ZC3H12B: variants seen among roughly 807,000 people sequenced by gnomAD.
ZC3H12B encodes the protein zinc finger CCCH-type containing 12B, also known as probable ribonuclease ZC3H12B.
A neutral mutation model predicts 43.9 loss-of-function variants in ZC3H12B; 7 were observed. The observed-to-expected ratio is 0.16, with a 90% CI of 0.09 to 0.30. The LOEUF is 0.30. Among genes scored for constraint, ZC3H12B ranks in the 10% least tolerant of loss-of-function variants. The pLI is 1.00. For synonymous variants in ZC3H12B, 222 were observed against 241.7 expected (o/e 0.92, Z 0.76); for missense variants, 475 against 670.2 (o/e 0.71, Z 3.22).
chrX:65,261,354 T>C, the ZC3H12B span, among the ~76,000 whole-genome samples: 2 of 111,927 alleles, frequency 1.8e-5, no homozygotes, highest in Non-Finnish European at 3.8e-5. Flanking sequence ...TTTCAATTTG[T>C]ATGTCTAGTC....
chrX:65,298,415 A>G, the ZC3H12B span, among the ~76,000 whole-genome samples: 5 of 112,434 alleles, frequency 4.4e-5, no homozygotes, highest in Admixed American at 3.8e-4. Flanking sequence ...AGGGAAATTC[A>G]TAGCATTGAA....
At chrX:65,401,424 T>C (rs896842761) in intron 3 of ZC3H12B, among the ~76,000 whole-genome samples, 3 of 111,766 alleles carry the variant, frequency 2.7e-5, no homozygotes, top group African/African-American at 9.8e-5. Flanking sequence ...AGCCTAGTGG[T>C]CTAAACTTGA....
chrX:65,359,972 G>A, the ZC3H12B span, among the ~76,000 whole-genome samples: 12 of 111,439 alleles, frequency 1.1e-4, no homozygotes, highest in East Asian at 2.8e-4. Context: ...TTCTTCAGGC[G>A]CCACCACCCT....
At chrX:65,444,651 G>A (rs2067351932) in intron 3 of ZC3H12B, among the ~76,000 whole-genome samples, 2 of 112,007 alleles carry the variant, frequency 1.8e-5, no homozygotes, top group African/African-American at 6.5e-5. Context: ...AGAGTGGGGT[G>A]TTACTGAAAA....
At chrX:65,198,342 C>T in the ZC3H12B span, among the ~76,000 whole-genome samples, 1 of 111,689 alleles carries the variant, frequency 9.0e-6, no homozygotes, top group Non-Finnish European at 1.9e-5. Context: ...GTTTTTGTAC[C>T]TTCAGATGAT....
At chrX:65,213,466 A>G in the ZC3H12B span, among the ~76,000 whole-genome samples, 1 of 111,167 alleles carries the variant, frequency 9.0e-6, no homozygotes, top group Non-Finnish European at 1.9e-5. Context: ...GCTTGGGACA[A>G]GAAGTGTTTC....
chrX:65,244,596 G>A, the ZC3H12B span, among the ~76,000 whole-genome samples: 2 of 108,110 alleles, frequency 1.8e-5, no homozygotes, highest in African/African-American at 6.8e-5. Context: ...AAAATAGCCA[G>A]GTGTGGTGGT....
chrX:65,081,241 C>T, the ZC3H12B span, among the ~76,000 whole-genome samples: 147 of 110,259 alleles, frequency 1.3e-3, 1 homozygote, highest in Middle Eastern at 4.7e-3. Context: ...ACAGAACAAC[C>T]GGAACGCAAA....
the ZC3H12B span, among the ~76,000 whole-genome samples, chrX:65,189,914 G>T: frequency 9.3e-6 from 1 of 107,620 alleles, no homozygotes. Flanking sequence ...TTTCTTCTAG[G>T]GTTTTTATGG....
At chrX:65,301,050 A>T in the ZC3H12B span, among the ~76,000 whole-genome samples, 1 of 111,818 alleles carries the variant, frequency 8.9e-6, no homozygotes, top group Non-Finnish European at 1.9e-5. Flanking sequence ...TCAAAAGAAG[A>T]TATACAAATG....
the ZC3H12B span, among the ~76,000 whole-genome samples, chrX:65,189,065 C>A: frequency 1.0e-5 from 1 of 100,473 alleles, no homozygotes; most frequent in African/African-American, 3.7e-5. Flanking sequence ...TTTGTTCTTG[C>A]GATAGTTTAC....
the ZC3H12B span, among the ~76,000 whole-genome samples, chrX:65,109,463 G>A: frequency 9.0e-6 from 1 of 111,580 alleles, no homozygotes; most frequent in Non-Finnish European, 1.9e-5. Flanking sequence ...GTGGTCTTTT[G>A]TGACTAGTTT....
chrX:65,056,053 G>A, the ZC3H12B span, among the ~76,000 whole-genome samples: 1 of 111,459 alleles, frequency 9.0e-6, no homozygotes, highest in Admixed American at 9.5e-5. Flanking sequence ...TGGATTCATT[G>A]ATTTTTTTGA....
At chrX:65,145,426 A>G in the ZC3H12B span, among the ~76,000 whole-genome samples, 1 of 111,405 alleles carries the variant, frequency 9.0e-6, no homozygotes, top group East Asian at 2.8e-4. Context: ...TCCATTCTGC[A>G]ATTCTGTATC....
chrX:65,333,222 C>T, the ZC3H12B span, among the ~76,000 whole-genome samples: 2 of 111,680 alleles, frequency 1.8e-5, no homozygotes, highest in South Asian at 7.4e-4. Flanking sequence ...CTTTTATTGG[C>T]TCTATAAGTC....
chrX:65,056,556 T>C, the ZC3H12B span, among the ~76,000 whole-genome samples: 1 of 111,931 alleles, frequency 8.9e-6, no homozygotes, highest in African/African-American at 3.3e-5. Flanking sequence ...CTGAGAAGAA[T>C]GTATATTCTG....
At chrX:65,333,785 ATG>A in the ZC3H12B span, among the ~76,000 whole-genome samples, 1 of 112,191 alleles carries the variant, frequency 8.9e-6, no homozygotes, top group African/African-American at 3.2e-5. Flanking sequence ...TTGTCTGTGT[ATG>A]ACAAAAAGTC....
At chrX:65,105,100 G>A in the ZC3H12B span, among the ~76,000 whole-genome samples, 1 of 111,297 alleles carries the variant, frequency 9.0e-6, no homozygotes, top group Admixed American at 9.6e-5. Flanking sequence ...CCTGTCCTTT[G>A]CAGGGATATG....
rs144207523 is a variant in ZC3H12B, at chrX:65,381,366, C to G, written n.295+12368C>G. On this transcript the variant is annotated intron_variant and non_coding_transcript_variant, in intron 2 of 5. Coordinates refer to the ZC3H12B transcript ENST00000617377. ...TCCTGAATTACTACTGGGTACATAA[C>G]GAAATGAAGGCAGAAATAAAGATGT... Among the ~76,000 whole-genome samples, 5 of 111,453 alleles carry G rather than the reference C, an allele frequency of 4.5e-5. No homozygotes were observed. The South Asian group carries it at 1.9e-3, about 42-fold the overall frequency.
Sources: gnomAD v4.1 joint callset for allele counts (sites outside exome capture counted in the v4.1 genomes callset) on GRCh38, gnomAD v4.1.1 for gene constraint, MANE v1.5 for transcripts, NCBI Gene and HGNC (gene_info 2026-07-23, HGNC 2026-07-21) for gene names.